ADD2: variants seen among roughly 807,000 people sequenced by gnomAD.
The protein encoded by ADD2 is adducin 2.
In ADD2, 23 loss-of-function variants were observed where a neutral mutation model predicts 83.0. That is an observed-to-expected ratio of 0.28 (90% CI 0.20 to 0.39). The LOEUF (loss-of-function observed/expected upper bound fraction) is 0.39, where lower values mean the gene tolerates loss of function less well. Among genes scored for constraint, ADD2 ranks in the 10% least tolerant of loss-of-function variants. ADD2 has a pLI of 1.00. For missense variants in ADD2, 758 were observed against 944.9 expected (o/e 0.80, Z 2.59); for synonymous variants, 375 against 375.4 (o/e 1.00, Z 0.01).
chr2:70,675,747 G>A, intron 13 of ADD2: 1 of 985,428 alleles, frequency 1.0e-6, no homozygotes, highest in Non-Finnish European at 1.2e-6. Context: ...GGCCACAGTA[G>A]GCCTAATGTA....
chr2:70,737,922 G>A (rs1192259529), intron 1 of ADD2, among the ~76,000 whole-genome samples: 1 of 152,022 alleles, frequency 6.6e-6, no homozygotes. Context: ...CCACTCTTTA[G>A]AGTGGAAATT....
chr2:70,728,283 C>G (rs1280989038), intron 1 of ADD2, among the ~76,000 whole-genome samples: 1 of 152,322 alleles, frequency 6.6e-6, no homozygotes, highest in South Asian at 2.1e-4. Context: ...ATTTCCAGTA[C>G]CTGTCTGCCA....
Position 70,758,464 on chromosome 2 carries a change from G to C in ADD2, c.-154+9422C>G, listed in dbSNP as rs549947662. 3.3e-5 allele frequency among the ~76,000 whole-genome samples: 5 copies of C among 152,236 alleles called. No homozygotes were observed. In the South Asian group the frequency reaches 1.0e-3, roughly 32 times the overall value. Reference sequence around the variant, plus strand: ...TTGGGAGGGTGGGAAAGCATGTTCAGAAAAATGGAGTAGTTCAGCCTACCT... The same window carrying C: ...TTGGGAGGGTGGGAAAGCATGTTCACAAAAATGGAGTAGTTCAGCCTACCT... On this transcript the variant is annotated intron_variant, in intron 1 of 15. Coordinates refer to ENST00000264436, the MANE Select transcript of ADD2 (RefSeq NM_001617.4).
intron 15 of ADD2, among the ~76,000 whole-genome samples, chr2:70,664,001 C>A (rs1553365624): frequency 1.3e-5 from 2 of 152,088 alleles, no homozygotes; most frequent in African/African-American, 4.8e-5. Context: ...ATATTAATGT[C>A]TGAAGTGGCA....
chr2:70,677,940 G>A (rs1574229273), intron 11 of ADD2, 63 bp from the exon 12 acceptor site: 1 of 1,603,998 alleles, frequency 6.2e-7, no homozygotes, highest in East Asian at 2.2e-5. Context: ...CTCCCCAGTG[G>A]TCCACCCACG....
Position 70,661,200 on chromosome 2 carries a change from G to A in ADD2, c.*2225C>T, listed in dbSNP as rs1553364948. 6.6e-6 allele frequency: 1 copy of A among 152,160 alleles called. No individual in the cohort carries two copies. The highest frequency in any genetic ancestry group is 1.5e-5 in the Non-Finnish European group (1 of 68,040). 9.4% of individuals were successfully genotyped at this position (152,160 alleles called of 1,614,324 possible). A position where few individuals can be genotyped will look rare whatever the true frequency, so the allele number is the denominator to read the frequency against. ...AAGTAGAACAACTCGCACACAAAAG[G>A]CTGCATCAGAGGTCGTGTTCACCAT... On this transcript the variant is annotated 3_prime_UTR_variant, in exon 16 of 16. Transcript: ENST00000264436.
chr2:70,666,863 T>C (rs1393717786), intron 15 of ADD2, among the ~76,000 whole-genome samples: 1 of 152,166 alleles, frequency 6.6e-6, no homozygotes, highest in Non-Finnish European at 1.5e-5. Flanking sequence ...TCATGAATTG[T>C]TTGAGGAGTC....
At position 70,663,446 on chromosome 2, in the gene ADD2, C is replaced by T; in HGVS notation, c.2160G>A (p.Lys720=). ...TGAATCAGGACTCCACTTTCTCCTT[C>T]TTTTTGCTCTTTTTCAGGAAGGAGG... ...RTPSFLKKSK[K]KEKVES Residue 720 remains lysine (K), a synonymous_variant, in exon 16 of 16, where the codon AAG becomes AAA. Coordinates refer to ENST00000264436, the MANE Select transcript of ADD2 (RefSeq NM_001617.4). 6.2e-7 allele frequency: 1 copy of T among 1,613,526 alleles called. No homozygotes were observed. The highest frequency in any genetic ancestry group is 8.5e-7 in the Non-Finnish European group (1 of 1,179,832).
chr2:70,723,842 GA>G (rs35475365), intron 1 of ADD2, among the ~76,000 whole-genome samples: 2 of 151,862 alleles, frequency 1.3e-5, no homozygotes, highest in Non-Finnish European at 2.9e-5. Flanking sequence ...TTGGCCTGGA[GA>G]AAAAAAATGG....
intron 2 of ADD2, among the ~76,000 whole-genome samples, chr2:70,708,415 C>T (rs747752776): frequency 3.3e-5 from 5 of 152,154 alleles, no homozygotes; most frequent in Non-Finnish European, 7.3e-5. Flanking sequence ...GAGGTATGAC[C>T]TGGACATCAG....
At chr2:70,690,960 G>A (rs1671000796) in intron 7 of ADD2, 31 bp from the exon 8 acceptor site, 1 of 1,594,334 alleles carries the variant, frequency 6.3e-7, no homozygotes. Flanking sequence ...GTTAGCACCT[G>A]CAGCCCTCCC....
intron 1 of ADD2, among the ~76,000 whole-genome samples, chr2:70,737,651 C>T (rs1401612848): frequency 6.6e-6 from 1 of 151,802 alleles, no homozygotes; most frequent in Non-Finnish European, 1.5e-5. Context: ...GTGCAGCACA[C>T]CAACATGGCG....
rs569987718 is a variant in ADD2 at position 70,765,251 on chromosome 2, G to A, written c.-154+2635C>T. ...ACCTGTAGTCCCAGCTATTCGGGAGGCTGAGGCGTGAGAATCACTTGAAGC... is the reference window on the plus strand; with the variant it reads ...ACCTGTAGTCCCAGCTATTCGGGAGACTGAGGCGTGAGAATCACTTGAAGC... On this transcript the variant is annotated intron_variant, in intron 1 of 15. Transcript: ENST00000264436. 9.5e-4 allele frequency among the ~76,000 whole-genome samples: 145 copies of A among 152,326 alleles called. 1 individual carries two copies. Among genetic ancestry groups the A allele is most frequent in the African/African-American group, 3.1e-3 (128 of 41,582 alleles).
intron 4 of ADD2, among the ~76,000 whole-genome samples, chr2:70,703,469 G>A (rs781838954): frequency 7.2e-5 from 11 of 152,190 alleles, no homozygotes; most frequent in Non-Finnish European, 1.0e-4. Flanking sequence ...TTTGGAGAAA[G>A]GATGTAATCT....
chr2:70,675,531 C>A (rs1219057966), intron 13 of ADD2: 4 of 985,338 alleles, frequency 4.1e-6, no homozygotes, highest in Middle Eastern at 5.2e-4. Flanking sequence ...AATTCTTTGA[C>A]CCCTCTAGCC....
At chr2:70,715,268 C>T (rs1473379313) in intron 1 of ADD2, among the ~76,000 whole-genome samples, 2 of 152,106 alleles carry the variant, frequency 1.3e-5, no homozygotes, top group Non-Finnish European at 2.9e-5. Context: ...GCAGGGCTGC[C>T]ATCCTGGGGG....
chr2:70,703,963 G>T (rs1671747599), intron 4 of ADD2, among the ~76,000 whole-genome samples: 1 of 152,130 alleles, frequency 6.6e-6, no homozygotes, highest in African/African-American at 2.4e-5. Flanking sequence ...CCAGGAGGGT[G>T]GCTTCCTGCA....
rs548122102 is a variant in ADD2 at position 70,657,212 on chromosome 2, C to G, written c.*6213G>C. On this transcript the variant is annotated 3_prime_UTR_variant, in exon 16 of 16. Coordinates refer to ENST00000264436, the MANE Select transcript of ADD2 (RefSeq NM_001617.4). The stretch of plus-strand genomic sequence containing the variant: ...CATGGAACCCCTATTTGAAACCTCA[C>G]AATACTAGGAAAAGCTAAACACAGA... 3.3e-5 allele frequency: 5 copies of G among 152,024 alleles called. No individual in the cohort carries two copies. The highest frequency in any genetic ancestry group is 7.4e-5 in the Non-Finnish European group (5 of 68,014). The allele number at this position is 152,024 out of a possible 1,614,324, so 9.4% of individuals were successfully genotyped here.
At chr2:70,677,228 A>T (rs782504633) in intron 12 of ADD2, among the ~76,000 whole-genome samples, 4 of 148,904 alleles carry the variant, frequency 2.7e-5, no homozygotes, top group Non-Finnish European at 4.5e-5. Context: ...ATCTGGGGAG[A>T]GGGGAGAGGG....
Sources: allele counts gnomAD v4.1 joint callset (sites outside exome capture counted in the v4.1 genomes callset), GRCh38; gene constraint gnomAD v4.1.1; transcripts MANE v1.5; gene names NCBI Gene and HGNC (gene_info 2026-07-23, HGNC 2026-07-21).